The following TMEM132E variants were observed in gnomAD, a reference collection of about 807,000 sequenced individuals.
TMEM132E encodes the protein transmembrane protein 132E.
Under a neutral mutation model 78.5 loss-of-function variants are expected in TMEM132E, and 49 were observed. The ratio of observed to expected loss-of-function variants is 0.62; its 90% CI spans 0.50 to 0.79. The LOEUF is 0.79. Ranked by LOEUF, TMEM132E falls within the 30% of genes least tolerant of loss-of-function variation. The pLI, the probability that TMEM132E is intolerant of heterozygous loss-of-function variation, is 0.00. For missense variants in TMEM132E, 1,403 were observed against 1,470.9 expected (o/e 0.95, Z 0.75); for synonymous variants, 715 against 670.6 (o/e 1.07, Z -1.02).
intron 1 of TMEM132E, among the ~76,000 whole-genome samples, chr17:34,623,330 G>A (rs1907020376): frequency 6.6e-6 from 1 of 152,104 alleles, no homozygotes; most frequent in Non-Finnish European, 1.5e-5. Flanking sequence ...AGAGGGCAAA[G>A]GGGACTAAGT....
chr17:34,620,812 C>T (rs12939830), intron 1 of TMEM132E, among the ~76,000 whole-genome samples: 14 of 152,340 alleles, frequency 9.2e-5, no homozygotes, highest in Non-Finnish European at 1.8e-4. Context: ...GAGGCAGTGG[C>T]TGAGCTGGGC....
intron 1 of TMEM132E, among the ~76,000 whole-genome samples, chr17:34,598,262 C>T (rs1473096484): frequency 2.0e-5 from 3 of 152,000 alleles, no homozygotes; most frequent in Non-Finnish European, 4.4e-5. Context: ...CCTAAGGCCA[C>T]TTCCACTGTG....
At position 34,637,441 on chromosome 17, in the gene TMEM132E, C is replaced by A. The variant is rs1382193074; in HGVS notation, c.2434C>A (p.His812Asn). ...LATTPVGLRV[H>N]FGRDEEDPTY... is the part of the protein sequence containing the mutation. ...CACGACCCCTGTGGGCCTGCGGGTG[C>A]ACTTTGGGAGGGACGAGGAGGACCC... The change falls in exon 9 of 9, where the codon CAC becomes AAC. Residue 812 changes from histidine to asparagine, a missense_variant. Physicochemically the swap from His to Asn is moderately conservative, Grantham distance 68. Coordinates refer to ENST00000631683, the MANE Select transcript of TMEM132E (RefSeq NM_001304438.2). The A allele has an allele frequency of 6.2e-7, 1 of 1,613,674 alleles. No homozygotes were observed. Among genetic ancestry groups the A allele is most frequent in the Non-Finnish European group, 8.5e-7 (1 of 1,180,024 alleles).
At position 34,597,282 on chromosome 17, in the gene TMEM132E, C is replaced by T. The variant is rs370667881; in HGVS notation, c.67+16139C>T. ...TAGAGGCTGTGCCTGCCCCAACAGA[C>T]GGGATTCCCTTGGGGCAGGGCTCCA... On this transcript the variant is annotated intron_variant, in intron 1 of 8. Transcript: ENST00000631683. Among the ~76,000 whole-genome samples, 162 of 152,244 alleles carry T rather than the reference C, an allele frequency of 1.1e-3. No individual in the cohort carries two copies. In the South Asian group the frequency reaches 0.014, roughly 13 times the overall value.
chr17:34,629,916 G>GA (rs1034493817), intron 4 of TMEM132E, 92 bp from the exon 5 acceptor site: 67 of 1,404,042 alleles, frequency 4.8e-5, no homozygotes, highest in East Asian at 1.5e-4. Flanking sequence ...CTGAGGAGTG[G>GA]GGGGGGAGCG....
At position 34,579,591 on chromosome 17, in the gene TMEM132E, C is replaced by A. The variant is rs975222749; in HGVS notation, c.-1486C>A. The A allele has an allele frequency of 6.3e-6, 1 of 159,850 alleles. No individual in the cohort carries two copies. Among genetic ancestry groups the A allele is most frequent in the Non-Finnish European group, 1.4e-5 (1 of 72,840 alleles). The allele number at this position is 159,850 out of a possible 1,614,324, so 9.9% of individuals were successfully genotyped here. On this transcript the variant is annotated 5_prime_UTR_variant, in exon 1 of 9. Coordinates refer to ENST00000631683, the MANE Select transcript of TMEM132E (RefSeq NM_001304438.2). Reference sequence around the variant, plus strand: ...GTGTGTGTCTCTCTCGAGTCATTTACGGCGGAGCAGCCGGCGCGAGCGCCG... The same window carrying A: ...GTGTGTGTCTCTCTCGAGTCATTTAAGGCGGAGCAGCCGGCGCGAGCGCCG...
At chr17:34,588,367 C>T (rs1235369211) in intron 1 of TMEM132E, among the ~76,000 whole-genome samples, 1 of 152,180 alleles carries the variant, frequency 6.6e-6, no homozygotes, top group Non-Finnish European at 1.5e-5. Flanking sequence ...AGACCTGGAA[C>T]GTGTGTGATC....
chr17:34,610,652 C>T (rs1906559632), intron 1 of TMEM132E, among the ~76,000 whole-genome samples: 1 of 152,172 alleles, frequency 6.6e-6, no homozygotes, highest in Non-Finnish European at 1.5e-5. Context: ...AGGCTCTTGA[C>T]ACTGTTGTGA....
rs897297516 is a variant in TMEM132E, at chr17:34,638,128, G to T, written c.3121G>T (p.Glu1041Ter). The change falls in exon 9 of 9, where the codon GAA becomes TAA. Residue 1041 changes from glutamate to a stop codon, truncating the protein, a stop_gained. Coordinates refer to ENST00000631683, the MANE Select transcript of TMEM132E (RefSeq NM_001304438.2). LOFTEE classifies it high-confidence loss of function. ...VPAGEEDEEE[E>*]EDLGWGCPDV... ...CGCGGGCGAAGAGGACGAGGAGGAG[G>T]AAGAGGACCTGGGTTGGGGCTGCCC... 1 of 1,607,986 alleles carries T rather than the reference G, an allele frequency of 6.2e-7. No individual in the cohort carries two copies. The highest frequency in any genetic ancestry group is 8.5e-7 in the Non-Finnish European group (1 of 1,177,928).
intron 1 of TMEM132E, among the ~76,000 whole-genome samples, chr17:34,603,724 C>G (rs1567713799): frequency 6.6e-6 from 1 of 152,202 alleles, no homozygotes; most frequent in Non-Finnish European, 1.5e-5. Flanking sequence ...GCCTTGCCTT[C>G]TCAGCCTCAT....
chr17:34,626,808 GGGGGGCCGGGCCCGGGGT>G lies in TMEM132E; in HGVS notation c.757_774del (p.Gly253_Ala258del). The G allele has an allele frequency of 2.6e-6, 4 of 1,525,518 alleles. No individual in the cohort carries two copies. The highest frequency in any genetic ancestry group is 3.5e-6 in the Non-Finnish European group (4 of 1,139,946). 94.5% of individuals were successfully genotyped at this position (1,525,518 alleles called of 1,614,324 possible). On this transcript the variant is annotated inframe_deletion, in exon 2 of 9. Coordinates refer to ENST00000631683, the MANE Select transcript of TMEM132E (RefSeq NM_001304438.2). The stretch of plus-strand genomic sequence containing the variant: ...TCGGGGGGCTGCGGGGGCTCCCGCC[GGGGGGCCGGGCCCGGGGT>G]GGGGGCCCGAGCGGAAAGCCCTACC...
chr17:34,581,541 G>C (rs1329243011), intron 1 of TMEM132E, among the ~76,000 whole-genome samples: 2 of 152,118 alleles, frequency 1.3e-5, no homozygotes, highest in African/African-American at 4.8e-5. Flanking sequence ...GATCCGCCGG[G>C]ATCGCGTCTT....
chr17:34,617,621 T>C (rs1906825246), intron 1 of TMEM132E, among the ~76,000 whole-genome samples: 1 of 152,236 alleles, frequency 6.6e-6, no homozygotes, highest in Non-Finnish European at 1.5e-5. Flanking sequence ...GGTTCTAAGC[T>C]CTTCATTTCA....
chr17:34,633,381 C>A (rs899867831), intron 6 of TMEM132E, among the ~76,000 whole-genome samples: 1 of 152,238 alleles, frequency 6.6e-6, no homozygotes, highest in Non-Finnish European at 1.5e-5. Context: ...CACACCTGTA[C>A]ACATGTGTCC....
Position 34,626,306 on chromosome 17 carries a change from C to A in TMEM132E, c.247C>A (p.Gln83Lys), listed in dbSNP as rs748511938. The A allele has an allele frequency of 6.2e-7, 1 of 1,611,690 alleles. No homozygotes were observed. The highest frequency in any genetic ancestry group is 8.5e-7 in the Non-Finnish European group (1 of 1,179,146). Residue 83 changes from glutamine (Q) to lysine (K), a missense_variant, in exon 2 of 9, where the codon CAG becomes AAG. Transcript: ENST00000631683. ...GCGCTCCGAGCCCTTCGTGGTGTTC[C>A]AGACCAAGGAGCTGCCGGTCCTCAA... ...LQRSEPFVVF[Q>K]TKELPVLNVS...
At chr17:34,624,043 T>G (rs1260285440) in intron 1 of TMEM132E, among the ~76,000 whole-genome samples, 1 of 152,222 alleles carries the variant, frequency 6.6e-6, no homozygotes, top group South Asian at 2.1e-4. Context: ...GGAGAAGTGG[T>G]GAGAGCATGT....
chr17:34,582,165 G>A (rs1905511734), intron 1 of TMEM132E, among the ~76,000 whole-genome samples: 1 of 151,908 alleles, frequency 6.6e-6, no homozygotes, highest in African/African-American at 2.4e-5. Context: ...TTGGGGGGCG[G>A]GGGTGTTTCG....
chr17:34,626,216 C>T lies in TMEM132E; in HGVS notation c.157C>T (p.Arg53Trp). 3.2e-6 allele frequency: 5 copies of T among 1,580,574 alleles called. No individual in the cohort carries two copies. Among genetic ancestry groups the T allele is most frequent in the Non-Finnish European group, 4.3e-6 (5 of 1,163,834 alleles). ...LPVSYRLSHT[R>W]LAFFLREARP... Reference sequence around the variant, plus strand: ...AGTCAGCTACCGCCTGTCGCACACGCGGCTGGCCTTCTTCCTGCGGGAGGC... The same window carrying T: ...AGTCAGCTACCGCCTGTCGCACACGTGGCTGGCCTTCTTCCTGCGGGAGGC... Residue 53 changes from arginine to tryptophan, a missense_variant, in exon 2 of 9, where the codon CGG becomes TGG. This residue lies in a region of TMEM132E where 511 missense variants were observed against 499.0 expected (regional missense o/e 1.02). Coordinates refer to ENST00000631683, the MANE Select transcript of TMEM132E (RefSeq NM_001304438.2).
chr17:34,629,984 G>A (rs1907298197), intron 4 of TMEM132E, 24 bp from the exon 5 acceptor site: 1 of 1,580,406 alleles, frequency 6.3e-7, no homozygotes, highest in Non-Finnish European at 8.6e-7. Context: ...CACAAGTAGA[G>A]CCCCCCCCTT....
Sources: allele counts gnomAD v4.1 joint callset (sites outside exome capture counted in the v4.1 genomes callset), GRCh38; gene constraint gnomAD v4.1.1; regional missense constraint gnomAD v4.1.1; transcripts MANE v1.5; gene names NCBI Gene and HGNC (gene_info 2026-07-23, HGNC 2026-07-21).